The following CHRNB3 variants were observed in gnomAD, a reference collection of about 807,000 sequenced individuals.
CHRNB3 encodes the protein cholinergic receptor nicotinic beta 3 subunit, also known as neuronal acetylcholine receptor subunit beta-3.
Under a neutral mutation model 40.6 loss-of-function variants are expected in CHRNB3, and 37 were observed. The ratio of observed to expected loss-of-function variants is 0.91; its 90% CI spans 0.70 to 1.20. The LOEUF (loss-of-function observed/expected upper bound fraction) is 1.20. CHRNB3 is among the 50% of genes most tolerant of loss of function. The probability of loss-of-function intolerance (pLI) is 0.00; values close to 1 mark genes in which losing one functional copy is unlikely to be tolerated. For missense variants in CHRNB3, 505 were observed against 551.2 expected (o/e 0.92, Z 0.84); for synonymous variants, 207 against 207.1 (o/e 1.00, Z 0.00).
intron 3 of CHRNB3, among the ~76,000 whole-genome samples, chr8:42,717,910 A>G (rs13263434): frequency 0.77 from 113,887 of 147,752 alleles, 45,217 homozygotes; most frequent in South Asian, 0.87. Flanking sequence ...TCGGCTCACC[A>G]CAACCTCCGC....
At chr8:42,708,344 T>C (rs142603833) in intron 1 of CHRNB3, among the ~76,000 whole-genome samples, 1,755 of 152,196 alleles carry the variant, frequency 0.012, 27 homozygotes, top group African/African-American at 0.038. Flanking sequence ...CAGGCACCTG[T>C]AGTCCCAGGT....
intron 3 of CHRNB3, among the ~76,000 whole-genome samples, chr8:42,720,533 A>T (rs912363957): frequency 5.9e-5 from 9 of 152,118 alleles, no homozygotes; most frequent in Admixed American, 6.6e-5. Flanking sequence ...AGCAACTGTC[A>T]GGAGGTGTGG....
intron 3 of CHRNB3, among the ~76,000 whole-genome samples, chr8:42,718,426 C>T (rs571902054): frequency 6.6e-6 from 1 of 152,082 alleles, no homozygotes; most frequent in Admixed American, 6.5e-5. Flanking sequence ...GTAATCCCAG[C>T]ACTTTGGGAG....
intron 3 of CHRNB3, chr8:42,721,882 G>A (rs1239631765): frequency 6.6e-6 from 1 of 152,200 alleles, no homozygotes; most frequent in Non-Finnish European, 1.5e-5. Flanking sequence ...AAATCACAGT[G>A]GGCAGGTCTG....
Position 42,731,896 on chromosome 8 carries a change from G to C in CHRNB3, c.589G>C (p.Asp197His). 6.2e-7 allele frequency: 1 copy of C among 1,614,116 alleles called. No individual in the cohort carries two copies. Among genetic ancestry groups the C allele is most frequent in the Non-Finnish European group, 8.5e-7 (1 of 1,180,024 alleles). ...NENVDRKDFF[D>H]NGEWEILNAK... ...AAATGTCGACAGAAAAGACTTCTTCGATAACGGAGAATGGGAAATACTGAA... is the reference window on the plus strand; with the variant it reads ...AAATGTCGACAGAAAAGACTTCTTCCATAACGGAGAATGGGAAATACTGAA... Residue 197 changes from aspartate (D) to histidine (H), a missense_variant, in exon 5 of 6, where the codon GAT (aspartate) becomes CAT (histidine). Coordinates refer to ENST00000289957, the MANE Select transcript of CHRNB3 (RefSeq NM_000749.5).
intron 1 of CHRNB3, among the ~76,000 whole-genome samples, chr8:42,698,751 CGT>C (rs1313303616): frequency 1.7e-4 from 26 of 152,150 alleles, no homozygotes; most frequent in East Asian, 1.2e-3. Context: ...CATTAATGTA[CGT>C]GTGTCTGATG....
At chr8:42,705,019 T>C (rs1022845553) in intron 1 of CHRNB3, among the ~76,000 whole-genome samples, 1 of 152,182 alleles carries the variant, frequency 6.6e-6, no homozygotes, top group Non-Finnish European at 1.5e-5. Flanking sequence ...TCTGCCCTCC[T>C]ATGTGTGTAG....
chr8:42,715,027 G>T (rs1381775695), intron 3 of CHRNB3: 1 of 152,090 alleles, frequency 6.6e-6, no homozygotes, highest in Non-Finnish European at 1.5e-5. Flanking sequence ...ATGAAGTTAG[G>T]ATCCACTCCA....
At chr8:42,717,683 C>T (rs1816141037) in intron 3 of CHRNB3, among the ~76,000 whole-genome samples, 1 of 151,954 alleles carries the variant, frequency 6.6e-6, no homozygotes, top group South Asian at 2.1e-4. Context: ...CTCTCTGACC[C>T]TCAGTCTCTT....
chr8:42,732,949 G>T (rs1816455644), intron 5 of CHRNB3, among the ~76,000 whole-genome samples: 1 of 152,042 alleles, frequency 6.6e-6, no homozygotes, highest in African/African-American at 2.4e-5. Flanking sequence ...GAAAGAATGA[G>T]ATTTTTAAAT....
intron 3 of CHRNB3, among the ~76,000 whole-genome samples, chr8:42,720,993 T>C (rs1282714525): frequency 6.6e-6 from 1 of 152,214 alleles, no homozygotes; most frequent in East Asian, 1.9e-4. Flanking sequence ...ATCTTTAGGT[T>C]CCAGATGGAG....
At chr8:42,709,384 T>A (rs1351546855) in intron 2 of CHRNB3, among the ~76,000 whole-genome samples, 1,677 of 152,278 alleles carry the variant, frequency 0.011, 35 homozygotes, top group African/African-American at 0.039. Context: ...GAGCTTGCCT[T>A]TCTGTCATGA....
intron 5 of CHRNB3, among the ~76,000 whole-genome samples, chr8:42,733,732 A>G (rs1362582449): frequency 6.6e-6 from 1 of 150,480 alleles, no homozygotes; most frequent in Non-Finnish European, 1.5e-5. Flanking sequence ...AGCTGGGACT[A>G]CAGGTACACA....
intron 4 of CHRNB3, among the ~76,000 whole-genome samples, chr8:42,730,943 G>C (rs2128908570): frequency 6.8e-6 from 1 of 147,704 alleles, no homozygotes; most frequent in East Asian, 1.9e-4. Context: ...AGCTACTCGG[G>C]AGGCTGAGGC....
At chr8:42,717,556 C>A (rs898734985) in intron 3 of CHRNB3, among the ~76,000 whole-genome samples, 2 of 151,322 alleles carry the variant, frequency 1.3e-5, no homozygotes, top group Non-Finnish European at 2.9e-5. Context: ...TTTTCTACAA[C>A]CTTACTCTGA....
chr8:42,714,192 T>C (rs1447000623), intron 3 of CHRNB3, among the ~76,000 whole-genome samples: 2 of 152,198 alleles, frequency 1.3e-5, no homozygotes, highest in Non-Finnish European at 2.9e-5. Context: ...GTTATTTTTA[T>C]GCTTTTTAAA....
chr8:42,732,947 G>T lies in CHRNB3; in HGVS notation c.1242+398G>T, dbSNP rs547199211. ...TTAGAAATAAAAGATCAGAAAGAAT[G>T]AGATTTTTAAATTAATATAAAATGT... On this transcript the variant is annotated intron_variant, in intron 5 of 5. Coordinates refer to ENST00000289957, the MANE Select transcript of CHRNB3 (RefSeq NM_000749.5). Among the ~76,000 whole-genome samples the T allele has an allele frequency of 2.6e-5, 4 of 152,078 alleles. No individual in the cohort carries two copies. In the South Asian group the frequency reaches 6.2e-4, roughly 24 times the overall value.
chr8:42,709,095 G>A (rs751563488), intron 2 of CHRNB3, among the ~76,000 whole-genome samples: 22 of 152,112 alleles, frequency 1.4e-4, no homozygotes, highest in African/African-American at 1.9e-4. Flanking sequence ...GATTCGCTGC[G>A]GGGAGGATGT....
At chr8:42,717,063 G>T (rs1317572274) in intron 3 of CHRNB3, among the ~76,000 whole-genome samples, 11 of 152,010 alleles carry the variant, frequency 7.2e-5, no homozygotes, top group Non-Finnish European at 4.4e-5. Context: ...CCCTGGAGCT[G>T]ATTTCCCAGG....
Sources: gnomAD v4.1 joint callset for allele counts (sites outside exome capture counted in the v4.1 genomes callset) on GRCh38, gnomAD v4.1.1 for gene constraint, MANE v1.5 for transcripts, NCBI Gene and HGNC (gene_info 2026-07-23, HGNC 2026-07-21) for gene names.